The following SLC4A4 variants were observed in gnomAD, a reference collection of about 807,000 sequenced individuals.
SLC4A4 encodes the protein solute carrier family 4 member 4.
SLC4A4 carries 27 observed loss-of-function variants against 111.5 expected under a neutral mutation model. The observed-to-expected ratio is 0.24, with a 90% confidence interval of 0.18 to 0.33. The LOEUF is 0.33. Ranked by LOEUF, SLC4A4 falls within the 10% of genes least tolerant of loss-of-function variation. The pLI, the probability that SLC4A4 is intolerant of heterozygous loss-of-function variation, is 1.00. For missense variants in SLC4A4, 909 were observed against 1,315.5 expected (o/e 0.69, Z 4.78); for synonymous variants, 443 against 463.4 (o/e 0.96, Z 0.57).
chr4:71,409,541 A>G (rs1401312512), intron 7 of SLC4A4, among the ~76,000 whole-genome samples: 3 of 152,248 alleles, frequency 2.0e-5, no homozygotes, highest in Non-Finnish European at 4.4e-5. Flanking sequence ...AGAAATTTCT[A>G]AGCAGCAAAG....
At chr4:71,478,253 G>A (rs938557725) in intron 14 of SLC4A4, among the ~76,000 whole-genome samples, 14 of 151,856 alleles carry the variant, frequency 9.2e-5, no homozygotes, top group African/African-American at 2.9e-4. Flanking sequence ...CAGCAATCCC[G>A]TGACTGGGTA....
chr4:71,279,945 G>A (rs1433153283), intron 3 of SLC4A4, among the ~76,000 whole-genome samples: 1 of 152,168 alleles, frequency 6.6e-6, no homozygotes, highest in Non-Finnish European at 1.5e-5. Context: ...ACAGGCACCT[G>A]CCATCATGCC....
chr4:71,517,885 CA>C (rs201778961), intron 16 of SLC4A4, among the ~76,000 whole-genome samples: 2 of 115,336 alleles, frequency 1.7e-5, no homozygotes, highest in African/African-American at 1.1e-4. Context: ...CAGGTGAGTG[CA>C]CCTGGCACCT....
intron 4 of SLC4A4, among the ~76,000 whole-genome samples, chr4:71,342,231 G>T (rs1560425335): frequency 6.6e-6 from 1 of 152,060 alleles, no homozygotes; most frequent in Non-Finnish European, 1.5e-5. Context: ...AACCTGTATA[G>T]AAAAAAATCC....
intron 1 of SLC4A4, among the ~76,000 whole-genome samples, chr4:71,066,585 C>A (rs1351341657): frequency 6.6e-6 from 1 of 152,144 alleles, no homozygotes; most frequent in South Asian, 2.1e-4. Context: ...TTTAGCAGGG[C>A]TAGAGTAAAT....
At chr4:71,169,647 G>C (rs1265116506) in intron 2 of SLC4A4, among the ~76,000 whole-genome samples, 1 of 152,218 alleles carries the variant, frequency 6.6e-6, no homozygotes, top group South Asian at 2.1e-4. Flanking sequence ...CTTCCATTCT[G>C]TGGGTTGTCT....
At position 71,318,556 on chromosome 4, in the gene SLC4A4, A is replaced by AG. The variant is rs546487750; in HGVS notation, c.254-20813dup. 1.7e-3 allele frequency among the ~76,000 whole-genome samples: 261 copies of AG among 152,162 alleles called. 2 individuals carry two copies. The highest frequency in any genetic ancestry group is 6.1e-3 in the African/African-American group (254 of 41,558). Reference sequence around the variant, plus strand: ...AGGCATATTTTATATTAGTGACCAAAGAAAAAAACCAATTAGAAATTGACT... The same window carrying AG: ...AGGCATATTTTATATTAGTGACCAAAGGAAAAAAACCAATTAGAAATTGACT... On this transcript the variant is annotated intron_variant, in intron 3 of 25. Transcript: ENST00000264485.
intron 2 of SLC4A4, among the ~76,000 whole-genome samples, chr4:71,179,813 G>A (rs1262337600): frequency 1.3e-5 from 2 of 152,094 alleles, no homozygotes; most frequent in African/African-American, 4.8e-5. Flanking sequence ...TCCCCATCAA[G>A]CTACCAATGA....
At position 71,367,989 on chromosome 4, in the gene SLC4A4, C is replaced by G. The variant is rs1731482183; in HGVS notation, c.730+10802C>G. Among the ~76,000 whole-genome samples, 4 of 152,046 alleles carry G rather than the reference C, an allele frequency of 2.6e-5. No homozygotes were observed. The South Asian group carries it at 8.3e-4, about 32-fold the overall frequency. The stretch of plus-strand genomic sequence containing the variant: ...ATGTGAATAGATTATCTCATATTTG[C>G]TGTTGGTTGGATATGCCTTGTTTAC... On this transcript the variant is annotated intron_variant, in intron 6 of 25. Coordinates refer to ENST00000264485, the MANE Select transcript of SLC4A4 (RefSeq NM_001098484.3).
At chr4:71,214,625 T>G (rs1718316728) in intron 1 of SLC4A4, among the ~76,000 whole-genome samples, 2 of 152,210 alleles carry the variant, frequency 1.3e-5, no homozygotes, top group Admixed American at 1.3e-4. Context: ...TTAAATTGAT[T>G]CAATAAGGCA....
chr4:71,181,001 G>A (rs533039989), intron 2 of SLC4A4, among the ~76,000 whole-genome samples: 1 of 152,188 alleles, frequency 6.6e-6, no homozygotes, highest in African/African-American at 2.4e-5. Context: ...TTAAGAAAAT[G>A]TGGCATATAT....
chr4:71,183,896 C>T (rs532346491), upstream of SLC4A4, among the ~76,000 whole-genome samples: 8 of 152,276 alleles, frequency 5.3e-5, no homozygotes, highest in African/African-American at 1.7e-4. Flanking sequence ...TATCTCCTAC[C>T]ACCTTTCTGT....
chr4:71,175,806 T>G (rs1251712493), intron 2 of SLC4A4, among the ~76,000 whole-genome samples: 1 of 152,174 alleles, frequency 6.6e-6, no homozygotes. Flanking sequence ...TAAATGTCCC[T>G]TTCTGACAGC....
At chr4:71,302,619 T>C (rs1171561477) in intron 3 of SLC4A4, among the ~76,000 whole-genome samples, 1 of 152,236 alleles carries the variant, frequency 6.6e-6, no homozygotes, top group Non-Finnish European at 1.5e-5. Context: ...TGTTCACTCC[T>C]GGTGTGCTGT....
At chr4:71,522,887 A>G (rs1733080614) in intron 16 of SLC4A4, among the ~76,000 whole-genome samples, 1 of 152,198 alleles carries the variant, frequency 6.6e-6, no homozygotes, top group Non-Finnish European at 1.5e-5. Flanking sequence ...AAACATAATG[A>G]GCATTTTAGT....
At chr4:71,213,109 T>C (rs1184589815) in intron 1 of SLC4A4, among the ~76,000 whole-genome samples, 1 of 152,180 alleles carries the variant, frequency 6.6e-6, no homozygotes, top group Non-Finnish European at 1.5e-5. Flanking sequence ...TGTGAGAACC[T>C]CTCTGATGTT....
chr4:71,495,564 A>G (rs1402030650), intron 15 of SLC4A4, among the ~76,000 whole-genome samples: 2 of 152,036 alleles, frequency 1.3e-5, no homozygotes, highest in Admixed American at 6.6e-5. Flanking sequence ...AAAGATATAT[A>G]GTTTGTTTTT....
At chr4:71,309,268 G>A (rs1483727859) in intron 3 of SLC4A4, among the ~76,000 whole-genome samples, 1 of 152,200 alleles carries the variant, frequency 6.6e-6, no homozygotes, top group African/African-American at 2.4e-5. Context: ...GGGAGAAGGG[G>A]TGGCTGTGGG....
In SLC4A4 at chr4:71,531,816, G is replaced by A. The variant is rs187128725; in HGVS notation, c.2167-246G>A. Among the ~76,000 whole-genome samples the A allele has an allele frequency of 4.8e-3, 723 of 151,126 alleles. 7 individuals carry two copies. Among genetic ancestry groups the A allele is most frequent in the African/African-American group, 0.017 (693 of 41,152 alleles). ...ACACACACACACACAGAAAGAGAGAGAGAGAGAGAGAAAGAGCGAGCGCAA... is the reference window on the plus strand; with the variant it reads ...ACACACACACACACAGAAAGAGAGAAAGAGAGAGAGAAAGAGCGAGCGCAA... On this transcript the variant is annotated intron_variant, in intron 16 of 25. Transcript: ENST00000264485.
Sources: allele counts gnomAD v4.1 joint callset (sites outside exome capture counted in the v4.1 genomes callset), GRCh38; gene constraint gnomAD v4.1.1; transcripts MANE v1.5; gene names NCBI Gene and HGNC (gene_info 2026-07-23, HGNC 2026-07-21).